GABRG3: variants seen among roughly 807,000 people sequenced by gnomAD.
The protein encoded by GABRG3 is gamma-aminobutyric acid type A receptor subunit gamma3, also known as gamma-aminobutyric acid receptor subunit gamma-3.
GABRG3 carries 25 observed loss-of-function variants against 48.8 expected under a neutral mutation model. The observed-to-expected ratio is 0.51, with a 90% CI of 0.37 to 0.72. The LOEUF (loss-of-function observed/expected upper bound fraction) is 0.72. Among genes scored for constraint, GABRG3 ranks in the 30% least tolerant of loss-of-function variants. The pLI, the probability that GABRG3 is intolerant of heterozygous loss-of-function variation, is 0.00. For synonymous variants in GABRG3, 227 were observed against 217.6 expected (o/e 1.04, Z -0.38); for missense variants, 394 against 577.9 (o/e 0.68, Z 3.26).
intron 3 of GABRG3, among the ~76,000 whole-genome samples, chr15:27,055,159 C>G (rs989455310): frequency 1.7e-4 from 26 of 152,082 alleles, no homozygotes; most frequent in African/African-American, 6.0e-4. Flanking sequence ...CACACCAGAG[C>G]AGCCTGTGAT....
intron 3 of GABRG3, among the ~76,000 whole-genome samples, chr15:27,248,767 AACACAC>A (rs150140195): frequency 9.6e-4 from 112 of 117,078 alleles, no homozygotes; most frequent in South Asian, 4.1e-3. Flanking sequence ...TGAGAAGGAA[AACACAC>A]ACACACACAC....
chr15:27,449,864 T>C (rs539265930), intron 5 of GABRG3, among the ~76,000 whole-genome samples: 1 of 152,352 alleles, frequency 6.6e-6, no homozygotes, highest in African/African-American at 2.4e-5. Context: ...TCTCAAATGC[T>C]TGCTGCACTC....
intron 3 of GABRG3, among the ~76,000 whole-genome samples, chr15:27,042,389 C>T (rs900275621): frequency 7.2e-5 from 11 of 152,176 alleles, no homozygotes; most frequent in African/African-American, 2.4e-4. Context: ...TCCTGCTGCT[C>T]GCTGACTTGG....
Position 26,976,017 on chromosome 15 carries a change from A to G in GABRG3, c.54-985A>G, listed in dbSNP as rs985738641. Among the ~76,000 whole-genome samples, 66 of 152,142 alleles carry G rather than the reference A, an allele frequency of 4.3e-4. No individual in the cohort carries two copies. The highest frequency in any genetic ancestry group is 1.5e-3 in the African/African-American group (64 of 41,504). The stretch of plus-strand genomic sequence containing the variant: ...GTCTGCTCTCCAAGCCCAAATAACT[A>G]TGGTGTTGAGACGGCCTCACTCATT... On this transcript the variant is annotated intron_variant, in intron 1 of 9. Coordinates refer to ENST00000615808, the MANE Select transcript of GABRG3 (RefSeq NM_033223.5). This position sits in a 1 kb window ranked among gnomAD's most constrained non-coding sequence, Gnocchi z 7.8.
chr15:27,098,286 T>C (rs957879428), intron 3 of GABRG3, among the ~76,000 whole-genome samples: 1 of 151,904 alleles, frequency 6.6e-6, no homozygotes, highest in Non-Finnish European at 1.5e-5. Context: ...ACACAAAAAA[T>C]AGCCAGGCGT....
At chr15:27,216,604 A>C (rs1317137541) in intron 3 of GABRG3, among the ~76,000 whole-genome samples, 1 of 151,968 alleles carries the variant, frequency 6.6e-6, no homozygotes, top group Admixed American at 6.5e-5. Context: ...CCTCCTGGGA[A>C]TCGATCGTTA....
At chr15:27,299,116 T>G (rs1269091913) in intron 3 of GABRG3, among the ~76,000 whole-genome samples, 1 of 152,104 alleles carries the variant, frequency 6.6e-6, no homozygotes. Context: ...AAACCCCTTC[T>G]TTACTGAAAA....
chr15:27,499,116 T>A (rs1890558299), intron 6 of GABRG3, among the ~76,000 whole-genome samples: 1 of 152,240 alleles, frequency 6.6e-6, no homozygotes, highest in African/African-American at 2.4e-5. Context: ...CTCATATGCC[T>A]TGGGGTATGC....
intron 2 of GABRG3, among the ~76,000 whole-genome samples, chr15:27,021,869 A>G (rs1230684523): frequency 6.6e-6 from 1 of 152,154 alleles, no homozygotes; most frequent in Non-Finnish European, 1.5e-5. Flanking sequence ...AAAATACAAT[A>G]AGTTTAAAAA....
intron 9 of GABRG3, among the ~76,000 whole-genome samples, chr15:27,532,360 TC>T (rs1211801048): frequency 6.7e-6 from 1 of 148,330 alleles, no homozygotes; most frequent in Non-Finnish European, 1.5e-5. Context: ...GGAAGCTTCC[TC>T]CTTTCTTCCT....
chr15:27,409,546 T>C (rs1887737387), intron 5 of GABRG3, among the ~76,000 whole-genome samples: 1 of 152,192 alleles, frequency 6.6e-6, no homozygotes. Context: ...ATTTTAATTC[T>C]TTTTTGAAAT....
chr15:27,239,126 A>T (rs1486928771), intron 3 of GABRG3, among the ~76,000 whole-genome samples: 1 of 152,242 alleles, frequency 6.6e-6, no homozygotes, highest in African/African-American at 2.4e-5. Flanking sequence ...GGAAGATTAC[A>T]TACTGATTTT....
At chr15:27,062,743 T>C (rs191683389) in intron 3 of GABRG3, among the ~76,000 whole-genome samples, 3 of 152,326 alleles carry the variant, frequency 2.0e-5, no homozygotes, top group East Asian at 1.9e-4. Flanking sequence ...TTTATGTTCA[T>C]GTGCAGGTGC....
Position 27,536,864 on chromosome 15 carries a change from G to A in GABRG3, c.*3983G>A, listed in dbSNP as rs1891557835. 1 of 152,088 alleles carries A rather than the reference G, an allele frequency of 6.6e-6. No individual in the cohort carries two copies. The highest frequency in any genetic ancestry group is 2.1e-4 in the South Asian group (1 of 4,826). 9.4% of individuals were successfully genotyped at this position (152,088 alleles called of 1,614,324 possible). On this transcript the variant is annotated 3_prime_UTR_variant, in exon 10 of 10. Coordinates refer to ENST00000615808, the MANE Select transcript of GABRG3 (RefSeq NM_033223.5). Reference sequence around the variant, plus strand: ...AGCAATGAGCCACTCTATCTAAAGGGCTAGAACACAAAACAGACAAAACCT... The same window carrying A: ...AGCAATGAGCCACTCTATCTAAAGGACTAGAACACAAAACAGACAAAACCT...
At chr15:27,406,254 G>T (rs566909236) in intron 5 of GABRG3, among the ~76,000 whole-genome samples, 1 of 152,284 alleles carries the variant, frequency 6.6e-6, no homozygotes, top group East Asian at 1.9e-4. Flanking sequence ...CCTGTCAGAA[G>T]AATTCAAAAT....
chr15:27,442,240 T>C (rs979715491), intron 5 of GABRG3, among the ~76,000 whole-genome samples: 5 of 152,120 alleles, frequency 3.3e-5, no homozygotes, highest in African/African-American at 1.2e-4. Context: ...CCAGGCCCCA[T>C]AGCCAGGATT....
At chr15:27,107,635 G>T (rs968355805) in intron 3 of GABRG3, among the ~76,000 whole-genome samples, 1 of 151,882 alleles carries the variant, frequency 6.6e-6, no homozygotes, top group South Asian at 2.1e-4. Context: ...CCTAATAGAT[G>T]TTTGATAGAA....
intron 3 of GABRG3, among the ~76,000 whole-genome samples, chr15:27,253,351 A>G (rs988846642): frequency 6.6e-6 from 1 of 152,306 alleles, no homozygotes; most frequent in African/African-American, 2.4e-5. Flanking sequence ...TTGCAGGGTC[A>G]TGGTGGCTGC....
chr15:26,995,658 C>T (rs910104542), intron 2 of GABRG3, among the ~76,000 whole-genome samples: 5 of 151,734 alleles, frequency 3.3e-5, no homozygotes, highest in African/African-American at 7.3e-5. Context: ...AGCAAGCCTA[C>T]GGCAATATAC....
Sources: gnomAD v4.1 joint callset for allele counts (sites outside exome capture counted in the v4.1 genomes callset) on GRCh38, gnomAD v4.1.1 for gene constraint, Gnocchi (gnomAD v3.1) non-coding constraint, MANE v1.5 for transcripts, NCBI Gene and HGNC (gene_info 2026-07-23, HGNC 2026-07-21) for gene names.